Variants in MIPOL1 observed in about 807,000 individuals in gnomAD.
MIPOL1 encodes the protein mirror-image polydactyly gene 1 protein.
Under a neutral mutation model 60.9 loss-of-function variants are expected in MIPOL1, and 57 were observed. That is an observed-to-expected ratio of 0.94 (90% CI 0.76 to 1.17). MIPOL1 has a LOEUF of 1.17. Ranked by LOEUF, MIPOL1 falls within the 50% of genes most tolerant of loss-of-function variation. The pLI is 0.00. For missense variants in MIPOL1, 551 were observed against 511.6 expected (o/e 1.08, Z -0.74); for synonymous variants, 179 against 168.8 (o/e 1.06, Z -0.47).
chr14:37,355,045 C>G (rs1227545664), intron 9 of MIPOL1, among the ~76,000 whole-genome samples: 2 of 139,084 alleles, frequency 1.4e-5, no homozygotes, highest in East Asian at 4.2e-4. Context: ...GCGGCTGGTA[C>G]CGGTTGTCCT....
chr14:37,362,982 C>T (rs1281597066), intron 9 of MIPOL1, among the ~76,000 whole-genome samples: 1 of 152,150 alleles, frequency 6.6e-6, no homozygotes, highest in African/African-American at 2.4e-5. Flanking sequence ...GTCTTCTCTA[C>T]ACTGTTTATT....
chr14:37,248,132 A>C (rs1462732111), intron 3 of MIPOL1, among the ~76,000 whole-genome samples: 1 of 151,956 alleles, frequency 6.6e-6, no homozygotes. Flanking sequence ...ACACACATGC[A>C]CACAGAGGAG....
chr14:37,337,348 A>ATTTTTTTTTTTTTTTTTTT (rs2090214260), intron 9 of MIPOL1, among the ~76,000 whole-genome samples: 1 of 33,652 alleles, frequency 3.0e-5, no homozygotes, highest in Non-Finnish European at 4.8e-5. Context: ...ATATATATAT[A>ATTTTTTTTTTTTTTTTTTT]TATATATATT....
chr14:37,343,668 C>T (rs577441898), intron 9 of MIPOL1, among the ~76,000 whole-genome samples: 1 of 152,192 alleles, frequency 6.6e-6, no homozygotes, highest in South Asian at 2.1e-4. Flanking sequence ...TTGTTAGGAA[C>T]TTAAGGCATG....
intron 12 of MIPOL1, among the ~76,000 whole-genome samples, chr14:37,531,678 C>T (rs1387585476): frequency 6.6e-6 from 1 of 152,190 alleles, no homozygotes; most frequent in African/African-American, 2.4e-5. Context: ...ACAACTTTCA[C>T]ATGTCATGTT....
At chr14:37,356,161 C>G (rs1408493107) in intron 9 of MIPOL1, among the ~76,000 whole-genome samples, 2 of 151,348 alleles carry the variant, frequency 1.3e-5, no homozygotes, top group African/African-American at 2.4e-5. Context: ...TTGGAATACC[C>G]TGCTGTGTGA....
chr14:37,412,140 C>A (rs2093690455), intron 10 of MIPOL1, among the ~76,000 whole-genome samples: 2 of 152,050 alleles, frequency 1.3e-5, no homozygotes, highest in South Asian at 4.1e-4. Context: ...CATGGTATTA[C>A]CTCGTATCAT....
chr14:37,338,284 T>A (rs941210689), intron 9 of MIPOL1, among the ~76,000 whole-genome samples: 11 of 149,664 alleles, frequency 7.3e-5, no homozygotes, highest in East Asian at 4.0e-4. Flanking sequence ...TTTTCTGTAT[T>A]TTTTTTTAGT....
At chr14:37,280,833 AT>A (rs1274001833) in intron 6 of MIPOL1, among the ~76,000 whole-genome samples, 6 of 152,068 alleles carry the variant, frequency 3.9e-5, no homozygotes, top group African/African-American at 1.2e-4. Context: ...TAATTTTTGT[AT>A]TTTTAGTAGA....
intron 7 of MIPOL1, among the ~76,000 whole-genome samples, chr14:37,302,220 G>T (rs1029958125): frequency 1.2e-4 from 17 of 143,080 alleles, no homozygotes; most frequent in African/African-American, 4.1e-4. Flanking sequence ...CAGAGTTCCT[G>T]TTGCTGTATA....
intron 10 of MIPOL1, among the ~76,000 whole-genome samples, chr14:37,371,812 G>GT (rs2092647550): frequency 6.6e-6 from 1 of 151,806 alleles, no homozygotes. Context: ...GGAAGTTTTT[G>GT]TTTTTTATTT....
chr14:37,507,284 T>C (rs1401195122), intron 12 of MIPOL1: 1 of 152,202 alleles, frequency 6.6e-6, no homozygotes, highest in Admixed American at 6.5e-5. Context: ...TAAATCATTT[T>C]ATGATAAAGA....
chr14:37,438,373 T>C (rs1348098029), intron 11 of MIPOL1, among the ~76,000 whole-genome samples: 1 of 152,198 alleles, frequency 6.6e-6, no homozygotes, highest in Non-Finnish European at 1.5e-5. Flanking sequence ...TGTTATCTTA[T>C]TTAATCCCTT....
At chr14:37,537,679 T>C (rs2095512368) in intron 12 of MIPOL1, among the ~76,000 whole-genome samples, 1 of 152,192 alleles carries the variant, frequency 6.6e-6, no homozygotes, top group Non-Finnish European at 1.5e-5. Context: ...ACAGCATTGT[T>C]AGGTTGGTAG....
intron 7 of MIPOL1, among the ~76,000 whole-genome samples, chr14:37,293,481 C>T (rs1300457347): frequency 6.6e-6 from 1 of 152,092 alleles, no homozygotes; most frequent in Non-Finnish European, 1.5e-5. Flanking sequence ...GGGTGCAGTG[C>T]ACTGTGCATG....
chr14:37,247,879 A>C lies in MIPOL1; in HGVS notation c.-10A>C. The stretch of plus-strand genomic sequence containing the variant: ...AGACATTGCCAGAGCAAACAAGAAC[A>C]GAAATACAAATGGAGAACTGGTCAA... On this transcript the variant is annotated 5_prime_UTR_variant, in exon 3 of 13. Transcript: ENST00000684589. 1 of 1,613,278 alleles carries C rather than the reference A, an allele frequency of 6.2e-7. No homozygotes were observed. Among genetic ancestry groups the C allele is most frequent in the Non-Finnish European group, 8.5e-7 (1 of 1,179,480 alleles).
At chr14:37,273,411 A>C (rs1257099034) in intron 6 of MIPOL1, among the ~76,000 whole-genome samples, 1 of 151,150 alleles carries the variant, frequency 6.6e-6, no homozygotes, top group African/African-American at 2.4e-5. Context: ...TCTAATCTTA[A>C]AATTTGAGAC....
intron 11 of MIPOL1, among the ~76,000 whole-genome samples, chr14:37,470,893 A>G (rs577639457): frequency 6.6e-6 from 1 of 152,202 alleles, no homozygotes; most frequent in East Asian, 1.9e-4. Flanking sequence ...AGATACTTGT[A>G]AAGTGTCTTT....
chr14:37,521,195 C>T (rs958737811), intron 12 of MIPOL1, among the ~76,000 whole-genome samples: 1 of 151,828 alleles, frequency 6.6e-6, no homozygotes, highest in African/African-American at 2.4e-5. Context: ...CCTCAGTCTC[C>T]CAAAGTGCTG....
Sources: gnomAD v4.1 joint callset for allele counts (sites outside exome capture counted in the v4.1 genomes callset) on GRCh38, gnomAD v4.1.1 for gene constraint, MANE v1.5 for transcripts, NCBI Gene and HGNC (gene_info 2026-07-23, HGNC 2026-07-21) for gene names.